SLC14A2: variants seen among roughly 807,000 people sequenced by gnomAD.
The protein encoded by SLC14A2 is urea transporter 2.
SLC14A2 carries 91 observed loss-of-function variants against 104.6 expected under a neutral mutation model. That is an observed-to-expected ratio of 0.87 (90% CI 0.73 to 1.04). The LOEUF is 1.04. SLC14A2 is among the 50% of genes least tolerant of loss of function. The pLI is 0.00. For synonymous variants in SLC14A2, 476 were observed against 466.4 expected, an observed-to-expected ratio of 1.02 and a Z score of -0.27; for missense variants, 1,189 against 1,156.0, an observed-to-expected ratio of 1.03 and a Z score of -0.41.
At chr18:45,344,941 G>A (rs975217933) in intron 1 of SLC14A2, among the ~76,000 whole-genome samples, 11 of 152,194 alleles carry the variant, frequency 7.2e-5, no homozygotes, top group South Asian at 2.1e-4. Flanking sequence ...CTGCCATCAG[G>A]AGACTGAACC....
intron 1 of SLC14A2, among the ~76,000 whole-genome samples, chr18:45,296,023 T>G (rs1004305222): frequency 5.3e-5 from 8 of 152,150 alleles, no homozygotes; most frequent in African/African-American, 1.9e-4. Flanking sequence ...GAGCTATATT[T>G]TTACTCTTAC....
At chr18:45,389,352 G>A (rs2085935636) in intron 1 of SLC14A2, among the ~76,000 whole-genome samples, 1 of 152,076 alleles carries the variant, frequency 6.6e-6, no homozygotes, top group Non-Finnish European at 1.5e-5. Flanking sequence ...ATCATTTTTG[G>A]AGCCAAGTAA....
chr18:45,408,857 A>G (rs1212654423), intron 1 of SLC14A2, among the ~76,000 whole-genome samples: 1 of 152,200 alleles, frequency 6.6e-6, no homozygotes, highest in African/African-American at 2.4e-5. Flanking sequence ...ATGACCAACT[A>G]GCTGTGTGAC....
At chr18:45,640,632 C>T (rs1477981687) in intron 7 of SLC14A2, among the ~76,000 whole-genome samples, 1 of 152,050 alleles carries the variant, frequency 6.6e-6, no homozygotes, top group East Asian at 1.9e-4. Context: ...TAATATTTTT[C>T]AAAGATTTTT....
chr18:45,488,736 G>T (rs2144721128), intron 2 of SLC14A2, among the ~76,000 whole-genome samples: 1 of 152,238 alleles, frequency 6.6e-6, no homozygotes, highest in East Asian at 1.9e-4. Flanking sequence ...TCACTCCAGG[G>T]GAAGTGCTCT....
chr18:45,429,031 G>C (rs1200026694), intron 1 of SLC14A2, among the ~76,000 whole-genome samples: 1 of 152,208 alleles, frequency 6.6e-6, no homozygotes, highest in African/African-American at 2.4e-5. Flanking sequence ...GACAGGAAGA[G>C]AGTAAAGGGG....
intron 10 of SLC14A2, among the ~76,000 whole-genome samples, chr18:45,656,928 C>G (rs990072997): frequency 3.3e-5 from 5 of 152,138 alleles, no homozygotes; most frequent in African/African-American, 1.2e-4. Context: ...CATACCCCCA[C>G]CTTCTTAAAA....
chr18:45,664,789 C>A (rs763306010), intron 11 of SLC14A2, among the ~76,000 whole-genome samples: 1 of 152,112 alleles, frequency 6.6e-6, no homozygotes, highest in East Asian at 1.9e-4. Context: ...AGGGGATTGC[C>A]GAGGACATTG....
At chr18:45,322,517 C>T (rs575542795) in intron 1 of SLC14A2, among the ~76,000 whole-genome samples, 22 of 152,286 alleles carry the variant, frequency 1.4e-4, no homozygotes, top group Non-Finnish European at 2.6e-4. Flanking sequence ...TGAACACAAT[C>T]GATTTGATAA....
At chr18:45,381,350 CAT>C (rs1234837022) in intron 1 of SLC14A2, among the ~76,000 whole-genome samples, 2 of 152,196 alleles carry the variant, frequency 1.3e-5, no homozygotes, top group Non-Finnish European at 2.9e-5. Context: ...GGAAAACAAA[CAT>C]ATCTTTGACC....
At chr18:45,596,367 A>T (rs942936552) in intron 2 of SLC14A2, among the ~76,000 whole-genome samples, 9 of 152,246 alleles carry the variant, frequency 5.9e-5, no homozygotes, top group African/African-American at 2.2e-4. Flanking sequence ...CATTCAAAAC[A>T]CTGTGGGTAT....
chr18:45,202,367 T>C, the SLC14A2 span, among the ~76,000 whole-genome samples: 1 of 152,142 alleles, frequency 6.6e-6, no homozygotes, highest in Non-Finnish European at 1.5e-5. Context: ...GTTTTCAGAA[T>C]AAAATCTAAG....
chr18:45,567,634 T>C (rs1268777921), intron 2 of SLC14A2, among the ~76,000 whole-genome samples: 1 of 151,674 alleles, frequency 6.6e-6, no homozygotes, highest in South Asian at 2.1e-4. Flanking sequence ...TCCTGGGGAG[T>C]GTGAGGAAGG....
intron 1 of SLC14A2, among the ~76,000 whole-genome samples, chr18:45,303,493 A>T (rs1488320083): frequency 6.6e-6 from 1 of 152,214 alleles, no homozygotes; most frequent in African/African-American, 2.4e-5. Flanking sequence ...TGGGGAGCTC[A>T]GGCAAGACAG....
chr18:45,198,936 C>G, the SLC14A2 span, among the ~76,000 whole-genome samples: 7,451 of 152,148 alleles, frequency 0.049, 242 homozygotes, highest in Non-Finnish European at 0.074. Flanking sequence ...TCTTTGTGCA[C>G]CAATTTTCTT....
the SLC14A2 span, among the ~76,000 whole-genome samples, chr18:45,189,642 C>T: frequency 3.9e-5 from 6 of 152,320 alleles, no homozygotes; most frequent in African/African-American, 1.4e-4. Flanking sequence ...TGACTTTGTA[C>T]ATCCATTAGG....
At chr18:45,411,098 T>G (rs73953182) in intron 1 of SLC14A2, among the ~76,000 whole-genome samples, 2,556 of 152,320 alleles carry the variant, frequency 0.017, 75 homozygotes, top group African/African-American at 0.058. Flanking sequence ...AACCTAACCC[T>G]GTATTCCCTT....
chr18:45,475,746 G>A (rs2087366952), intron 1 of SLC14A2, among the ~76,000 whole-genome samples: 1 of 138,050 alleles, frequency 7.2e-6, no homozygotes, highest in Non-Finnish European at 1.6e-5. Flanking sequence ...GCCCTTCTTT[G>A]TCTTTTTTTA....
intron 1 of SLC14A2, among the ~76,000 whole-genome samples, chr18:45,434,734 A>T (rs2086569302): frequency 6.6e-6 from 1 of 152,218 alleles, no homozygotes; most frequent in Admixed American, 6.5e-5. Flanking sequence ...GGCACTTTTT[A>T]AACTGCAATT....
Sources: gnomAD v4.1 joint callset for allele counts (sites outside exome capture counted in the v4.1 genomes callset) on GRCh38, gnomAD v4.1.1 for gene constraint, MANE v1.5 for transcripts, NCBI Gene and HGNC (gene_info 2026-07-23, HGNC 2026-07-21) for gene names.